Variants in THSD4 observed in about 807,000 individuals in gnomAD.
THSD4 encodes thrombospondin type-1 domain-containing protein 4.
In THSD4, 69 loss-of-function variants were observed where a neutral mutation model predicts 119.0. That is an observed-to-expected ratio of 0.58 (90% CI 0.48 to 0.71). The LOEUF (loss-of-function observed/expected upper bound fraction) is 0.71. Ranked by LOEUF, THSD4 falls within the 30% of genes least tolerant of loss-of-function variation. The pLI, the probability that THSD4 is intolerant of heterozygous loss-of-function variation, is 0.00. For missense variants in THSD4, 1,393 were observed against 1,391.1 expected, an observed-to-expected ratio of 1.00 and a Z score of -0.02; for synonymous variants, 524 against 540.4, an observed-to-expected ratio of 0.97 and a Z score of 0.42.
intron 7 of THSD4, among the ~76,000 whole-genome samples, chr15:71,638,553 T>A (rs1033978053): frequency 1.3e-5 from 2 of 152,224 alleles, no homozygotes; most frequent in Admixed American, 1.3e-4. Flanking sequence ...AGAGAAAATC[T>A]TTTTAAGCAA....
intron 6 of THSD4, among the ~76,000 whole-genome samples, chr15:71,262,960 T>C (rs1479941423): frequency 2.6e-5 from 4 of 152,030 alleles, no homozygotes; most frequent in Non-Finnish European, 2.9e-5. Flanking sequence ...TTTTTTTTTT[T>C]CTAACTTTTA....
At chr15:71,323,902 C>T (rs2045307036) in intron 6 of THSD4, among the ~76,000 whole-genome samples, 1 of 152,110 alleles carries the variant, frequency 6.6e-6, no homozygotes. Flanking sequence ...ATAAATGTAT[C>T]ATTCTGTGTG....
intron 14 of THSD4, among the ~76,000 whole-genome samples, chr15:71,751,812 T>TA (rs1187500759): frequency 1.3e-5 from 2 of 152,106 alleles, no homozygotes; most frequent in Non-Finnish European, 2.9e-5. Context: ...GGATTACAGT[T>TA]ATAAGCCTCC....
At chr15:71,739,242 C>G (rs2053189125) in intron 11 of THSD4, among the ~76,000 whole-genome samples, 1 of 152,176 alleles carries the variant, frequency 6.6e-6, no homozygotes, top group Admixed American at 6.5e-5. Context: ...CTAGGACCAC[C>G]AGGGACAAAC....
At chr15:71,489,088 C>G (rs1254998703) in intron 7 of THSD4, among the ~76,000 whole-genome samples, 1 of 152,052 alleles carries the variant, frequency 6.6e-6, no homozygotes, top group African/African-American at 2.4e-5. Context: ...AGAAATTTCC[C>G]CAGAAAAGCT....
At chr15:71,504,914 T>C (rs1222285726) in intron 7 of THSD4, among the ~76,000 whole-genome samples, 1 of 152,202 alleles carries the variant, frequency 6.6e-6, no homozygotes, top group African/African-American at 2.4e-5. Context: ...TTCTCAGTCT[T>C]CCCTGTGTTT....
At chr15:71,710,217 C>T (rs939895351) in intron 8 of THSD4, among the ~76,000 whole-genome samples, 1 of 152,218 alleles carries the variant, frequency 6.6e-6, no homozygotes, top group South Asian at 2.1e-4. Context: ...GTGCCCCCCT[C>T]CATTCCATTC....
At chr15:71,541,535 A>C (rs1439005773) in intron 7 of THSD4, among the ~76,000 whole-genome samples, 2 of 152,250 alleles carry the variant, frequency 1.3e-5, no homozygotes, top group Non-Finnish European at 2.9e-5. Context: ...ATGCATATGC[A>C]AATAATAGGA....
intron 3 of THSD4, among the ~76,000 whole-genome samples, chr15:71,167,738 A>G (rs903773605): frequency 3.9e-5 from 6 of 152,204 alleles, no homozygotes; most frequent in Non-Finnish European, 7.3e-5. Flanking sequence ...AAGGGACAAC[A>G]TTATTAATTT....
chr15:71,137,684 A>AT, intron 1 of THSD4, among the ~76,000 whole-genome samples: 1 of 152,288 alleles, frequency 6.6e-6, no homozygotes, highest in Middle Eastern at 3.4e-3. Flanking sequence ...GCCAAGAAGA[A>AT]TGGCAGAGCT....
At chr15:71,443,478 T>C (rs2047137666) in intron 7 of THSD4, among the ~76,000 whole-genome samples, 1 of 152,246 alleles carries the variant, frequency 6.6e-6, no homozygotes, top group South Asian at 2.1e-4. Context: ...TGATGTTGTT[T>C]GGAAGCTACA....
chr15:71,548,114 A>T (rs377761685), intron 7 of THSD4, among the ~76,000 whole-genome samples: 145 of 116,430 alleles, frequency 1.2e-3, no homozygotes, highest in African/African-American at 3.1e-3. Context: ...TTTTTTTTTA[A>T]CATCAGTGAT....
chr15:71,583,582 T>C (rs1223246078), intron 7 of THSD4, among the ~76,000 whole-genome samples: 2 of 151,834 alleles, frequency 1.3e-5, no homozygotes, highest in Admixed American at 1.3e-4. Context: ...GCGTCTCTTA[T>C]AAGTTTTGAT....
intron 3 of THSD4, among the ~76,000 whole-genome samples, chr15:71,199,244 T>C (rs1025051068): frequency 2.6e-5 from 4 of 152,138 alleles, no homozygotes; most frequent in African/African-American, 9.7e-5. Flanking sequence ...CTTTCCTCCT[T>C]TCAGTTTCCG....
chr15:71,774,989 AC>A (rs2053888646), intron 17 of THSD4, among the ~76,000 whole-genome samples: 1 of 152,072 alleles, frequency 6.6e-6, no homozygotes, highest in Admixed American at 6.6e-5. Context: ...TACTAAAAAT[AC>A]ATAAAATTAG....
intron 7 of THSD4, among the ~76,000 whole-genome samples, chr15:71,471,660 C>T (rs1207693647): frequency 1.3e-5 from 2 of 151,334 alleles, no homozygotes; most frequent in Non-Finnish European, 2.9e-5. Context: ...CTGGCCCAGC[C>T]TCATACTAGA....
At chr15:71,299,472 GA>G (rs1453669886) in intron 6 of THSD4, among the ~76,000 whole-genome samples, 1 of 152,214 alleles carries the variant, frequency 6.6e-6, no homozygotes, top group Non-Finnish European at 1.5e-5. Context: ...CCAGGCAGAA[GA>G]AGACAAATAC....
chr15:71,252,846 A>G (rs1480441316), intron 5 of THSD4, among the ~76,000 whole-genome samples: 1 of 151,308 alleles, frequency 6.6e-6, no homozygotes, highest in Non-Finnish European at 1.5e-5. Context: ...ACATTTAATA[A>G]ATGCTCAATA....
intron 7 of THSD4, among the ~76,000 whole-genome samples, chr15:71,639,178 A>T (rs918092762): frequency 1.3e-5 from 2 of 152,252 alleles, no homozygotes; most frequent in Non-Finnish European, 2.9e-5. Context: ...GAAGCCAGAT[A>T]CTGAGAAACA....
Sources: allele counts gnomAD v4.1 joint callset (sites outside exome capture counted in the v4.1 genomes callset), GRCh38; gene constraint gnomAD v4.1.1; transcripts MANE v1.5; gene names NCBI Gene and HGNC (gene_info 2026-07-23, HGNC 2026-07-21).